CIT: variants seen among roughly 807,000 people sequenced by gnomAD.
The protein encoded by CIT is citron rho-interacting serine/threonine kinase.
A neutral mutation model predicts 272.7 loss-of-function variants in CIT; 79 were observed. The ratio of observed to expected loss-of-function variants is 0.29; its 90% confidence interval spans 0.24 to 0.35. CIT has a LOEUF of 0.35. Among genes scored for constraint, CIT ranks in the 10% least tolerant of loss-of-function variants. The pLI, the probability that CIT is intolerant of heterozygous loss-of-function variation, is 1.00. For synonymous variants in CIT, 948 were observed against 995.6 expected, an observed-to-expected ratio of 0.95 and a Z score of 0.90; for missense variants, 1,909 against 2,618.3, an observed-to-expected ratio of 0.73 and a Z score of 5.91.
At chr12:119,748,227 G>A (rs1334277877) in intron 23 of CIT, among the ~76,000 whole-genome samples, 2 of 152,168 alleles carry the variant, frequency 1.3e-5, no homozygotes, top group Admixed American at 6.5e-5. Context: ...TCCACTTTGG[G>A]AACCACTAAC....
Position 119,802,456 on chromosome 12 carries a change from C to T in CIT, c.1295+750G>A, listed in dbSNP as rs557869389. On this transcript the variant is annotated intron_variant, in intron 10 of 47. Transcript: ENST00000392521. ...AGCTTTTATGAGAATGGAGAAAGACCTACCAGATCAAGAGGTTTACAGTGA... is the reference window on the plus strand; with the variant it reads ...AGCTTTTATGAGAATGGAGAAAGACTTACCAGATCAAGAGGTTTACAGTGA... 2.0e-5 allele frequency among the ~76,000 whole-genome samples: 3 copies of T among 152,282 alleles called. No homozygotes were observed. The East Asian group carries it at 5.8e-4, about 29-fold the overall frequency.
At chr12:119,742,282 T>A (rs1005651144) in intron 24 of CIT, 129 bp downstream of exon 24, 3 of 598,152 alleles carry the variant, frequency 5.0e-6, no homozygotes, top group Non-Finnish European at 8.2e-6. Context: ...TAAGGTTGAT[T>A]GCATTATCTT....
chr12:119,756,686 G>T (rs953741276), intron 22 of CIT, among the ~76,000 whole-genome samples: 3 of 152,124 alleles, frequency 2.0e-5, no homozygotes, highest in Non-Finnish European at 2.9e-5. Flanking sequence ...TTTTCCTTTT[G>T]GTTCAGCTTT....
chr12:119,784,094 T>A lies in CIT; in HGVS notation c.1402-43A>T, dbSNP rs1449229224. 1.9e-6 allele frequency: 3 copies of A among 1,613,776 alleles called. No homozygotes were observed. The East Asian group carries it at 6.7e-5, about 36-fold the overall frequency. On this transcript the variant is annotated intron_variant, in intron 11 of 47. Coordinates refer to ENST00000392521, the MANE Select transcript of CIT (RefSeq NM_001206999.2). The surrounding 1 kb of genome is among the most constrained non-coding windows in gnomAD (Gnocchi z 4.7). ...ACAGGTTAAAAAGGCCCGTGGAGGT[T>A]CATTAGGAGCAATCACATCTCAAGT...
chr12:119,765,350 C>G (rs1020117637), intron 19 of CIT, among the ~76,000 whole-genome samples: 2 of 142,320 alleles, frequency 1.4e-5, no homozygotes, highest in African/African-American at 5.4e-5. Context: ...AAGACCATGT[C>G]TCTAAATATA....
chr12:119,806,451 A>G (rs1255520242), intron 9 of CIT, among the ~76,000 whole-genome samples: 1 of 152,196 alleles, frequency 6.6e-6, no homozygotes, highest in Non-Finnish European at 1.5e-5. Flanking sequence ...AGAAAGAAGC[A>G]GTAACCTCAG....
chr12:119,799,019 C>T, intron 10 of CIT, among the ~76,000 whole-genome samples: 1 of 152,178 alleles, frequency 6.6e-6, no homozygotes, highest in African/African-American at 2.4e-5. Context: ...GTTCCCCAAT[C>T]CACTCCTCCC....
intron 5 of CIT, among the ~76,000 whole-genome samples, chr12:119,843,235 A>G (rs1969530883): frequency 1.3e-5 from 2 of 152,246 alleles, no homozygotes; most frequent in Admixed American, 1.3e-4. Flanking sequence ...AGTGCAAGAA[A>G]GGCCTGGTAA....
intron 22 of CIT, among the ~76,000 whole-genome samples, chr12:119,755,613 G>A (rs1345505917): frequency 2.6e-5 from 4 of 152,214 alleles, no homozygotes; most frequent in Non-Finnish European, 4.4e-5. Flanking sequence ...GCTGGTGCCA[G>A]CGAACCCTGC....
intron 7 of CIT, among the ~76,000 whole-genome samples, chr12:119,825,794 G>A (rs931020630): frequency 6.6e-6 from 1 of 152,244 alleles, no homozygotes; most frequent in African/African-American, 2.4e-5. Flanking sequence ...TTGGCCAGGT[G>A]CAGTGGCCCA....
At position 119,834,201 on chromosome 12, in the gene CIT, A is replaced by T. The variant is rs1968841846; in HGVS notation, c.544T>A (p.Leu182Met). 1 of 1,613,162 alleles carries T rather than the reference A, an allele frequency of 6.2e-7. No homozygotes were observed. The highest frequency in any genetic ancestry group is 1.3e-5 in the African/African-American group (1 of 75,020). ...TCATATCTATTCAAAAGTGACAGCA[A>T]GTCCCCTCCAGGCTGATATTCCATG... Reference protein sequence around the residue: ...LVMEYQPGGDLLSLLNRYEDQ... With the variant: ...LVMEYQPGGDMLSLLNRYEDQ... Residue 182 changes from leucine (L) to methionine (M), a missense_variant, in exon 6 of 48, where the codon TTG becomes ATG. By Grantham distance (15) the Leu-to-Met change is conservative (BLOSUM62 2). Around this residue, in one of 8 missense-constraint regions of CIT, gnomAD observed 529 missense variants for 549.6 expected, o/e 0.96. Transcript: ENST00000392521.
chr12:119,690,428 G>A lies in CIT; in HGVS notation c.5909C>T (p.Thr1970Met), dbSNP rs1351510584. ...RSSPNKRGPP[T>M]YNEHITKRVA... is the part of the protein sequence containing the mutation. ...GCGCTTGGTGATGTGCTCGTTGTACGTGGGTGGGCCTCGCTTGTTGGGGCT... is the reference window on the plus strand; with the variant it reads ...GCGCTTGGTGATGTGCTCGTTGTACATGGGTGGGCCTCGCTTGTTGGGGCT... Residue 1970 changes from threonine to methionine, a missense_variant, in exon 47 of 48, where the codon ACG (threonine) becomes ATG (methionine). This residue lies in a region of CIT where 780 missense variants were observed against 1,067.2 expected (regional missense o/e 0.73). Transcript: ENST00000392521. This position sits in a 1 kb window ranked among gnomAD's most constrained non-coding sequence, Gnocchi z 6.0. 2.5e-5 allele frequency: 40 copies of A among 1,594,252 alleles called. No homozygotes were observed. The highest frequency in any genetic ancestry group is 3.3e-5 in the Non-Finnish European group (39 of 1,176,742).
At chr12:119,856,245 G>A (rs1163712032) in intron 4 of CIT, among the ~76,000 whole-genome samples, 1 of 152,054 alleles carries the variant, frequency 6.6e-6, no homozygotes, top group African/African-American at 2.4e-5. Flanking sequence ...AAAGTAAACT[G>A]CAATTCAAAA....
chr12:119,704,756 G>A (rs1003922915), intron 40 of CIT, among the ~76,000 whole-genome samples: 2 of 152,172 alleles, frequency 1.3e-5, no homozygotes, highest in Non-Finnish European at 2.9e-5. Flanking sequence ...GGGATCCAGA[G>A]AAGGCCTCAG....
chr12:119,775,588 C>G (rs896626286), intron 16 of CIT, among the ~76,000 whole-genome samples, 198 bp downstream of exon 16: 14 of 152,312 alleles, frequency 9.2e-5, no homozygotes, highest in African/African-American at 3.4e-4. Context: ...TAAAAATAAA[C>G]ACTGCTGACA....
intron 47 of CIT, among the ~76,000 whole-genome samples, chr12:119,689,666 CTTTTTTTT>C (rs531946559): frequency 1.3e-4 from 10 of 75,096 alleles, no homozygotes; most frequent in East Asian, 4.7e-4. Context: ...TTAGGAAGCT[CTTTTTTTT>C]TTTTTTTTTT....
Position 119,776,681 on chromosome 12 carries a change from T to A in CIT, c.1827A>T (p.Lys609Asn). The A allele has an allele frequency of 6.2e-7, 1 of 1,613,588 alleles. No homozygotes were observed. Among genetic ancestry groups the A allele is most frequent in the Non-Finnish European group, 8.5e-7 (1 of 1,179,904 alleles). Reference protein sequence around the residue: ...FKRKATECQHKLLKAKDQGKP... With the variant: ...FKRKATECQHNLLKAKDQGKP... ...GAGGGTGGCTGACTACCTTCAACAG[T>A]TTATGCTGACATTCTGTCGCTTTCC... The change falls in exon 14 of 48, where the codon AAA (lysine) becomes AAT (asparagine). Residue 609 changes from lysine to asparagine, a missense_variant. Coordinates refer to ENST00000392521, the MANE Select transcript of CIT (RefSeq NM_001206999.2).
rs367882787 is a variant in CIT, at chr12:119,757,117, T to TAA, written c.2706+252_2706+253dup. Among the ~76,000 whole-genome samples, 97 of 132,422 alleles carry TAA rather than the reference T, an allele frequency of 7.3e-4. 1 individual carries two copies. Among genetic ancestry groups the TAA allele is most frequent in the African/African-American group, 2.4e-3 (88 of 36,296 alleles). The allele number at this position is 132,422 out of a possible 152,430, so 86.9% of individuals were successfully genotyped here. On this transcript the variant is annotated intron_variant, in intron 22 of 47. Transcript: ENST00000392521. ...CCTGGACAACAGAGCAAGACTCTCT[T>TAA]AAAAAAAAAAAAAAAAGAGGTTAGC...
At chr12:119,800,406 A>C (rs1966092046) in intron 10 of CIT, among the ~76,000 whole-genome samples, 1 of 152,232 alleles carries the variant, frequency 6.6e-6, no homozygotes, top group Non-Finnish European at 1.5e-5. Context: ...AGCCTAAAAT[A>C]ATGATGCACT....
Sources: allele counts gnomAD v4.1 joint callset (sites outside exome capture counted in the v4.1 genomes callset), GRCh38; gene constraint gnomAD v4.1.1; regional missense constraint gnomAD v4.1.1; non-coding constraint Gnocchi (gnomAD v3.1); transcripts MANE v1.5; gene names NCBI Gene and HGNC (gene_info 2026-07-23, HGNC 2026-07-21).